ETV5: variants seen among roughly 807,000 people sequenced by gnomAD.
The protein encoded by ETV5 is ETS translocation variant 5.
ETV5 carries 10 observed loss-of-function variants against 70.0 expected under a neutral mutation model. The ratio of observed to expected loss-of-function variants is 0.14; its 90% CI spans 0.09 to 0.24. ETV5 has a LOEUF of 0.24. ETV5 is among the 10% of genes least tolerant of loss of function. The pLI is 1.00. For missense variants in ETV5, 453 were observed against 651.2 expected (o/e 0.70, Z 3.31); for synonymous variants, 216 against 242.2 (o/e 0.89, Z 1.01).
intron 12 of ETV5, among the ~76,000 whole-genome samples, chr3:186,051,505 G>A (rs1473422752): frequency 6.6e-6 from 1 of 152,202 alleles, no homozygotes; most frequent in Non-Finnish European, 1.5e-5. Context: ...CTGCTACCAG[G>A]TGACTCTGCT....
In ETV5 at chr3:186,068,432, G is replaced by T. The variant is rs149393336; in HGVS notation, c.651-2360C>A. Among the ~76,000 whole-genome samples, 569 of 152,230 alleles carry T rather than the reference G, an allele frequency of 3.7e-3. 5 individuals carry two copies. Among genetic ancestry groups the T allele is most frequent in the African/African-American group, 0.012 (504 of 41,532 alleles). ...ATCTGTGGGGTGGTTATAATTTTAG[G>T]TGATTTTCTTTTTTTGCTCATCTAT... On this transcript the variant is annotated intron_variant, in intron 7 of 12. Transcript: ENST00000306376.
At chr3:186,060,480 C>T (rs1454196683) in intron 9 of ETV5, among the ~76,000 whole-genome samples, 1 of 152,184 alleles carries the variant, frequency 6.6e-6, no homozygotes, top group Non-Finnish European at 1.5e-5. Context: ...GGAAGGAAGA[C>T]CTGTTTGAGG....
In ETV5 at chr3:186,064,494, G is replaced by A. The variant is rs777064187; in HGVS notation, c.911-18C>T. On this transcript the variant is annotated intron_variant, in intron 8 of 12. Transcript: ENST00000306376. Reference sequence around the variant, plus strand: ...AGGCACTTCTGAAAGGAAAGCAAAGGTGGACACAATCCTGTCAATAGTTTC... The same window carrying A: ...AGGCACTTCTGAAAGGAAAGCAAAGATGGACACAATCCTGTCAATAGTTTC... 2 of 1,613,504 alleles carry A rather than the reference G, an allele frequency of 1.2e-6. No homozygotes were observed. The highest frequency in any genetic ancestry group is 2.2e-5 in the South Asian group (2 of 91,052).
intron 7 of ETV5, among the ~76,000 whole-genome samples, chr3:186,066,482 C>T (rs774722631): frequency 6.6e-6 from 1 of 151,768 alleles, no homozygotes; most frequent in Non-Finnish European, 1.5e-5. Context: ...AGACTGAATA[C>T]AAATTAACCA....
At chr3:186,072,608 G>A (rs768812091) in intron 7 of ETV5, among the ~76,000 whole-genome samples, 50 of 152,078 alleles carry the variant, frequency 3.3e-4, no homozygotes, top group Non-Finnish European at 1.0e-4. Flanking sequence ...GTCCCTAAAC[G>A]TACACCAAAG....
chr3:186,057,543 T>G lies in ETV5; in HGVS notation c.971-52A>C, dbSNP rs780041892. On this transcript the variant is annotated intron_variant, in intron 9 of 12. Transcript: ENST00000306376. This position sits in a 1 kb window ranked among gnomAD's most constrained non-coding sequence, Gnocchi z 4.9. The stretch of plus-strand genomic sequence containing the variant: ...ACGTTGCTTAACAAATTCTGTGTTG[T>G]ACTAAAACTATGGATTTAAGGACTA... 4.1e-6 allele frequency: 6 copies of G among 1,449,968 alleles called. No homozygotes were observed. Among genetic ancestry groups the G allele is most frequent in the Non-Finnish European group, 5.8e-6 (6 of 1,030,920 alleles). 89.8% of individuals were successfully genotyped at this position (1,449,968 alleles called of 1,614,324 possible). A position where few individuals can be genotyped will look rare whatever the true frequency, so the allele number is the denominator to read the frequency against.
intron 5 of ETV5, among the ~76,000 whole-genome samples, chr3:186,094,635 C>T (rs921172564): frequency 6.6e-5 from 10 of 152,078 alleles, no homozygotes; most frequent in African/African-American, 1.2e-4. Flanking sequence ...TGAATTTCAG[C>T]GTTAGAAATT....
intron 9 of ETV5, among the ~76,000 whole-genome samples, chr3:186,063,264 C>T (rs764412593): frequency 2.6e-5 from 4 of 152,068 alleles, no homozygotes; most frequent in Admixed American, 6.6e-5. Flanking sequence ...AGCGAGACTC[C>T]GTCTCAACAA....
chr3:186,104,064 G>A (rs762101007), intron 5 of ETV5, among the ~76,000 whole-genome samples: 16 of 152,214 alleles, frequency 1.1e-4, no homozygotes, highest in Non-Finnish European at 2.1e-4. Flanking sequence ...TTGAGTCCTT[G>A]CATGGCTCAG....
intron 1 of ETV5, among the ~76,000 whole-genome samples, chr3:186,107,186 G>C (rs533122071): frequency 3.3e-5 from 5 of 152,274 alleles, no homozygotes; most frequent in Non-Finnish European, 7.3e-5. Flanking sequence ...GGAAAGAGAG[G>C]AGCAAAATAG....
At chr3:186,080,944 A>T (rs1713919491) in intron 6 of ETV5, 102 bp downstream of exon 6, 2 of 1,385,908 alleles carry the variant, frequency 1.4e-6, no homozygotes, top group Non-Finnish European at 2.0e-6. Flanking sequence ...GTTTTACCAC[A>T]GGGTCTGCTG....
At chr3:186,092,443 G>GT (rs749472722) in intron 5 of ETV5, among the ~76,000 whole-genome samples, 3 of 151,962 alleles carry the variant, frequency 2.0e-5, no homozygotes, top group Non-Finnish European at 4.4e-5. Context: ...CTTTTTGTTT[G>GT]TTTTTTTAGA....
intron 12 of ETV5, among the ~76,000 whole-genome samples, chr3:186,051,171 G>T (rs559145865): frequency 6.6e-6 from 1 of 152,272 alleles, no homozygotes; most frequent in East Asian, 1.9e-4. Flanking sequence ...TTTTAAGGTG[G>T]CGAGGAGAAT....
intron 5 of ETV5, among the ~76,000 whole-genome samples, chr3:186,103,954 C>T (rs1313627225): frequency 6.6e-6 from 1 of 152,178 alleles, no homozygotes; most frequent in Non-Finnish European, 1.5e-5. Flanking sequence ...TAGAGAGAGA[C>T]CTAAGATACT....
At chr3:186,086,868 G>C (rs1383557695) in intron 5 of ETV5, among the ~76,000 whole-genome samples, 1 of 151,946 alleles carries the variant, frequency 6.6e-6, no homozygotes, top group African/African-American at 2.4e-5. Flanking sequence ...CTATGAGGTA[G>C]GGTGAGGTGG....
Position 186,046,670 on chromosome 3 carries a change from AAAAG to A in ETV5, c.*1965_*1968del, listed in dbSNP as rs1203005302. 274 of 172,298 alleles carry A rather than the reference AAAAG, an allele frequency of 1.6e-3. No individual in the cohort carries two copies. The highest frequency in any genetic ancestry group is 6.4e-3 in the African/African-American group (156 of 24,240). 10.7% of individuals were successfully genotyped at this position (172,298 alleles called of 1,614,324 possible). A position where few individuals can be genotyped will look rare whatever the true frequency, so the allele number is the denominator to read the frequency against. ...TTGCTAAGACAGCATAAATCCATTCAAAAGAAAAAAAAAAAAAATCCAAACCAGG... is the reference window on the plus strand; with the variant it reads ...TTGCTAAGACAGCATAAATCCATTCAAAAAAAAAAAAAAATCCAAACCAGG... On this transcript the variant is annotated 3_prime_UTR_variant, in exon 13 of 13. Transcript: ENST00000306376.
intron 9 of ETV5, among the ~76,000 whole-genome samples, chr3:186,060,675 A>T (rs1713282397): frequency 6.6e-6 from 1 of 152,198 alleles, no homozygotes; most frequent in South Asian, 2.1e-4. Context: ...ATTTAGAACA[A>T]TTAAAAATGC....
intron 7 of ETV5, among the ~76,000 whole-genome samples, chr3:186,066,690 A>G (rs1713454566): frequency 6.6e-6 from 1 of 152,234 alleles, no homozygotes; most frequent in East Asian, 1.9e-4. Flanking sequence ...ATTCACTGAA[A>G]ATTAATCTAT....
intron 7 of ETV5, among the ~76,000 whole-genome samples, chr3:186,066,801 C>T (rs897605657): frequency 1.3e-5 from 2 of 152,132 alleles, no homozygotes; most frequent in African/African-American, 4.8e-5. Flanking sequence ...CATAAAACTT[C>T]AATAATTAAA....
Sources: allele counts gnomAD v4.1 joint callset (sites outside exome capture counted in the v4.1 genomes callset), GRCh38; gene constraint gnomAD v4.1.1; non-coding constraint Gnocchi (gnomAD v3.1); transcripts MANE v1.5; gene names NCBI Gene and HGNC (gene_info 2026-07-23, HGNC 2026-07-21).